Variants in INKA2 observed in about 807,000 individuals in gnomAD.
The protein encoded by INKA2 is inka box actin regulator 2.
Under a neutral mutation model 9.8 loss-of-function variants are expected in INKA2, and 3 were observed. That is an observed-to-expected ratio of 0.31 (90% CI 0.14 to 0.79). INKA2 has a LOEUF of 0.79. Ranked by LOEUF, INKA2 falls within the 30% of genes least tolerant of loss-of-function variation. The pLI is 0.62. For synonymous variants in INKA2, 147 were observed against 143.3 expected, an observed-to-expected ratio of 1.03 and a Z score of -0.18; for missense variants, 392 against 384.4, an observed-to-expected ratio of 1.02 and a Z score of -0.17.
At position 111,727,036 on chromosome 1, in the gene INKA2, T is replaced by G. The variant is rs928346948; in HGVS notation, c.826A>C (p.Thr276Pro). The part of the protein sequence containing the change: ...GEHRRGENPP[T>P]SCPKALEHSP... ...TGCTCCAGGGCCTTGGGGCAGCTTG[T>G]GGGGGGATTCTCCCCTCGCCTGTGC... The change falls in exon 2 of 2, where the codon ACA becomes CCA. Residue 276 changes from threonine to proline, a missense_variant. Transcript: ENST00000357260. 1.2e-6 allele frequency: 2 copies of G among 1,613,980 alleles called. No individual in the cohort carries two copies. Among genetic ancestry groups the G allele is most frequent in the South Asian group, 1.1e-5 (1 of 91,078 alleles).
chr1:111,748,154 C>T (rs1009892586), intron 1 of INKA2, among the ~76,000 whole-genome samples: 3 of 152,156 alleles, frequency 2.0e-5, no homozygotes, highest in African/African-American at 2.4e-5. Context: ...AGGCTAGTTG[C>T]GAATTAGCAT....
intron 1 of INKA2, among the ~76,000 whole-genome samples, chr1:111,738,671 C>T (rs112943893): frequency 0.021 from 3,151 of 152,220 alleles, 56 homozygotes; most frequent in East Asian, 0.065. Flanking sequence ...GAGCTGGGGG[C>T]CCAGGGTGGT....
intron 1 of INKA2, chr1:111,753,358 C>T (rs1663450145): frequency 6.6e-6 from 1 of 152,132 alleles, no homozygotes; most frequent in South Asian, 2.1e-4. Context: ...CACACCTTAC[C>T]TAGTTATTAA....
intron 1 of INKA2, among the ~76,000 whole-genome samples, chr1:111,736,211 G>A (rs1408126391): frequency 6.6e-6 from 1 of 152,178 alleles, no homozygotes; most frequent in Admixed American, 6.5e-5. Context: ...GTCAGCTGCT[G>A]CTACTTCTCC....
chr1:111,725,795 T>A lies in INKA2; in HGVS notation c.*1173A>T, dbSNP rs965946552. 3.7e-5 allele frequency: 9 copies of A among 244,590 alleles called. No individual in the cohort carries two copies. The Admixed American group carries it at 3.9e-4, about 11-fold the overall frequency. The allele number at this position is 244,590 out of a possible 1,614,324, so 15.2% of individuals were successfully genotyped here. ...TCAGCCAGGCTGGAGTGCAGTGGCA[T>A]GATCTCGCCTCACTGCAACCTCCCT... is the stretch of plus-strand genomic sequence containing the variant. On this transcript the variant is annotated 3_prime_UTR_variant, in exon 2 of 2. Transcript: ENST00000357260.
exon 1 of INKA2, chr1:111,755,711 A>C (rs1309616565): frequency 6.2e-7 from 1 of 1,613,622 alleles, no homozygotes; most frequent in Admixed American, 1.7e-5. Flanking sequence ...CAGTTGCCTC[A>C]TCTTTCCTCT....
At chr1:111,736,246 G>A (rs776571635) in intron 1 of INKA2, among the ~76,000 whole-genome samples, 3 of 152,078 alleles carry the variant, frequency 2.0e-5, no homozygotes, top group Admixed American at 6.6e-5. Context: ...CTTGAAACCC[G>A]ATCCCCTTCC....
intron 1 of INKA2, among the ~76,000 whole-genome samples, chr1:111,738,885 CTG>C (rs1225011628): frequency 6.6e-6 from 1 of 152,234 alleles, no homozygotes; most frequent in African/African-American, 2.4e-5. Flanking sequence ...CTGGCCGTCT[CTG>C]GGCGTGCCCT....
intron 1 of INKA2, among the ~76,000 whole-genome samples, chr1:111,736,350 T>TA (rs1336608692): frequency 1.3e-5 from 2 of 152,156 alleles, no homozygotes; most frequent in Non-Finnish European, 2.9e-5. Context: ...GCTCACCTGT[T>TA]ACAATGAAAT....
intron 1 of INKA2, among the ~76,000 whole-genome samples, chr1:111,748,681 G>GCGATGAT (rs1663326173): frequency 6.6e-6 from 1 of 152,094 alleles, no homozygotes; most frequent in Non-Finnish European, 1.5e-5. Context: ...CTGACCTGAT[G>GCGATGAT]CGATGATCTT....
At chr1:111,743,093 C>T (rs1005105418), upstream of INKA2, among the ~76,000 whole-genome samples, 7 of 152,142 alleles carry the variant, frequency 4.6e-5, no homozygotes, top group African/African-American at 1.7e-4. Context: ...GTTATATAAA[C>T]ATGGATAAAT....
At position 111,739,122 on chromosome 1, in the gene INKA2, C is replaced by T; in HGVS notation, c.57+64G>A. ...CGTCCCGGCTCCCCGGGGGCCGGGGCGGAGACCAGGTGCCCGTCGGGGCGG... is the reference window on the plus strand; with the variant it reads ...CGTCCCGGCTCCCCGGGGGCCGGGGTGGAGACCAGGTGCCCGTCGGGGCGG... On this transcript the variant is annotated intron_variant, in intron 1 of 1. Transcript: ENST00000357260. 3 of 1,520,028 alleles carry T rather than the reference C, an allele frequency of 2.0e-6. No individual in the cohort carries two copies. In the South Asian group the frequency reaches 3.4e-5, roughly 17 times the overall value. 94.2% of individuals were successfully genotyped at this position (1,520,028 alleles called of 1,614,324 possible).
Position 111,724,961 on chromosome 1 carries a change from TGACA to T in INKA2, c.*2003_*2006del, listed in dbSNP as rs1662735652. On this transcript the variant is annotated 3_prime_UTR_variant, in exon 2 of 2. Transcript: ENST00000357260. ...AAGTTTGAGAGATGTGCACATTACC[TGACA>T]GACAGTGAGTGCTCAACAAAACCCA... 1.3e-5 allele frequency: 2 copies of T among 152,284 alleles called. No homozygotes were observed. The highest frequency in any genetic ancestry group is 2.1e-4 in the South Asian group (1 of 4,824). The allele number at this position is 152,284 out of a possible 1,614,324, so 9.4% of individuals were successfully genotyped here.
upstream of INKA2, among the ~76,000 whole-genome samples, chr1:111,740,417 C>T (rs973182212): frequency 7.9e-5 from 12 of 152,172 alleles, no homozygotes; most frequent in African/African-American, 2.9e-4. Context: ...GCCCTGGACG[C>T]CGGGCTCCGC....
At chr1:111,733,078 C>T (rs1461124976) in intron 1 of INKA2, among the ~76,000 whole-genome samples, 1 of 152,160 alleles carries the variant, frequency 6.6e-6, no homozygotes, top group Non-Finnish European at 1.5e-5. Context: ...ATTAGGTAAC[C>T]AGGGGCTGGG....
chr1:111,755,436 T>C lies in INKA2; in HGVS notation n.124+265A>G, dbSNP rs1459868944. 5.5e-6 allele frequency: 3 copies of C among 541,004 alleles called. No homozygotes were observed. In the African/African-American group the frequency reaches 6.1e-5, roughly 11 times the overall value. 33.5% of individuals were successfully genotyped at this position (541,004 alleles called of 1,614,324 possible). ...GTCCAGCTACGTTCTGCGCGCTCTC[T>C]GCCAGCACAGAGGAGCAGCGAGTCA... On this transcript the variant is annotated intron_variant and non_coding_transcript_variant, in intron 1 of 1. Transcript: ENST00000444059.
chr1:111,725,516 G>A lies in INKA2; in HGVS notation c.*1452C>T, dbSNP rs531831183. The stretch of plus-strand genomic sequence containing the variant: ...GCTGCTGCCTGGCCCTTCCCCCTCC[G>A]TCCCGGCTGCCTCTAGGTGAGGAGG... On this transcript the variant is annotated 3_prime_UTR_variant, in exon 2 of 2. Coordinates refer to ENST00000357260, the MANE Select transcript of INKA2 (RefSeq NM_019099.5). 211 of 152,440 alleles carry A rather than the reference G, an allele frequency of 1.4e-3. No individual in the cohort carries two copies. Among genetic ancestry groups the A allele is most frequent in the Non-Finnish European group, 2.7e-3 (181 of 68,134 alleles). 9.4% of individuals were successfully genotyped at this position (152,440 alleles called of 1,614,324 possible).
intron 1 of INKA2, 75 bp downstream of exon 1, chr1:111,739,110 CG>C: frequency 2.8e-6 from 4 of 1,446,086 alleles, no homozygotes; most frequent in Non-Finnish European, 3.9e-6. Context: ...CCCGGCTCCC[CG>C]GGGGCCGGGG....
Position 111,727,587 on chromosome 1 carries a change from G to T in INKA2, c.275C>A (p.Ser92Tyr). Residue 92 changes from serine (S) to tyrosine (Y), a missense_variant, in exon 2 of 2, where the codon TCC becomes TAC. Physicochemically the swap from Ser to Tyr is moderately radical, Grantham distance 144. Transcript: ENST00000357260. ...GRGPARPTVC[S>Y]PSSQPSLGSS... is the part of the protein sequence containing the mutation. ...GCCAAGAGAAGGTTGACTGGAGGGGGAACAGACTGTGGGCCTGGCAGGACC... is the reference window on the plus strand; with the variant it reads ...GCCAAGAGAAGGTTGACTGGAGGGGTAACAGACTGTGGGCCTGGCAGGACC... The T allele has an allele frequency of 1.2e-6, 2 of 1,611,620 alleles. No individual in the cohort carries two copies. Among genetic ancestry groups the T allele is most frequent in the Non-Finnish European group, 1.7e-6 (2 of 1,178,688 alleles).
Sources: allele counts gnomAD v4.1 joint callset (sites outside exome capture counted in the v4.1 genomes callset), GRCh38; gene constraint gnomAD v4.1.1; transcripts MANE v1.5; gene names NCBI Gene and HGNC (gene_info 2026-07-23, HGNC 2026-07-21).